Variants in SHISA9 observed in about 807,000 individuals in gnomAD.
SHISA9 encodes shisa family member 9, also known as protein shisa-9.
Under a neutral mutation model 38.0 loss-of-function variants are expected in SHISA9, and 13 were observed. The ratio of observed to expected loss-of-function variants is 0.34; its 90% CI spans 0.22 to 0.54. The LOEUF (loss-of-function observed/expected upper bound fraction) is 0.54, where lower values mean the gene tolerates loss of function less well. SHISA9 is among the 20% of genes least tolerant of loss of function. The pLI, the probability that SHISA9 is intolerant of heterozygous loss-of-function variation, is 0.91. For synonymous variants in SHISA9, 275 were observed against 242.0 expected, an observed-to-expected ratio of 1.14 and a Z score of -1.27; for missense variants, 538 against 575.8, an observed-to-expected ratio of 0.93 and a Z score of 0.67.
At chr16:13,422,014 G>A in the SHISA9 span, among the ~76,000 whole-genome samples, 1 of 152,194 alleles carries the variant, frequency 6.6e-6, no homozygotes, top group Non-Finnish European at 1.5e-5. Flanking sequence ...TAAATGGTTG[G>A]TTTTGCAGAA....
chr16:13,406,104 G>A, the SHISA9 span, among the ~76,000 whole-genome samples: 17 of 152,256 alleles, frequency 1.1e-4, no homozygotes, highest in East Asian at 3.9e-4. Flanking sequence ...ATCCAACAGC[G>A]TCTTTTTAAC....
At chr16:12,960,975 C>T (rs1026899169) in intron 2 of SHISA9, among the ~76,000 whole-genome samples, 1 of 151,936 alleles carries the variant, frequency 6.6e-6, no homozygotes, top group South Asian at 2.1e-4. Flanking sequence ...GGGGGGCAGA[C>T]ACTAAACAGC....
chr16:13,368,901 G>T, the SHISA9 span, among the ~76,000 whole-genome samples: 32 of 152,226 alleles, frequency 2.1e-4, no homozygotes, highest in Non-Finnish European at 3.1e-4. Flanking sequence ...CATACATGTG[G>T]TATATCATAA....
At chr16:12,975,288 A>C (rs955865788) in intron 2 of SHISA9, among the ~76,000 whole-genome samples, 1 of 152,144 alleles carries the variant, frequency 6.6e-6, no homozygotes, top group Non-Finnish European at 1.5e-5. Flanking sequence ...GTGAATCACA[A>C]GGTCAGGAGT....
At chr16:12,940,326 C>T (rs566355895) in intron 2 of SHISA9, among the ~76,000 whole-genome samples, 6 of 152,276 alleles carry the variant, frequency 3.9e-5, no homozygotes, top group Admixed American at 1.3e-4. Context: ...TGCTGCACCC[C>T]AGCTTGTCTG....
chr16:13,354,676 G>T, the SHISA9 span, among the ~76,000 whole-genome samples: 1 of 151,518 alleles, frequency 6.6e-6, no homozygotes, highest in Non-Finnish European at 1.5e-5. Flanking sequence ...TGAGGGCTAG[G>T]CTAAAACAGT....
At chr16:13,310,769 G>A in the SHISA9 span, among the ~76,000 whole-genome samples, 2 of 145,426 alleles carry the variant, frequency 1.4e-5, no homozygotes, top group African/African-American at 5.1e-5. Context: ...CTGCAACCTC[G>A]GCCTCCCAGG....
the SHISA9 span, among the ~76,000 whole-genome samples, chr16:13,464,735 A>G: frequency 1.3e-5 from 2 of 152,128 alleles, no homozygotes; most frequent in Non-Finnish European, 1.5e-5. Context: ...AGTGCTTACT[A>G]AGTACTGGGC....
chr16:13,455,684 G>A, the SHISA9 span, among the ~76,000 whole-genome samples: 33 of 152,040 alleles, frequency 2.2e-4, no homozygotes, highest in African/African-American at 6.8e-4. Context: ...TTATTAATTC[G>A]GTGTGGAGTT....
At chr16:13,227,585 C>G (rs906654442) in intron 4 of SHISA9, among the ~76,000 whole-genome samples, 3 of 152,140 alleles carry the variant, frequency 2.0e-5, no homozygotes, top group African/African-American at 7.2e-5. Context: ...CGGGAGGTAA[C>G]TGGATATATA....
chr16:13,252,198 A>G, the SHISA9 span, among the ~76,000 whole-genome samples: 2 of 151,482 alleles, frequency 1.3e-5, 1 homozygote, highest in Admixed American at 1.3e-4. Flanking sequence ...CCCTTCACTC[A>G]CTCTGCTCCA....
chr16:13,376,084 T>C, the SHISA9 span, among the ~76,000 whole-genome samples: 1 of 152,202 alleles, frequency 6.6e-6, no homozygotes, highest in African/African-American at 2.4e-5. Flanking sequence ...CATTGATAAT[T>C]GTGTTCCCTA....
chr16:13,141,624 A>C (rs1054159465), intron 2 of SHISA9, among the ~76,000 whole-genome samples: 1 of 152,098 alleles, frequency 6.6e-6, no homozygotes, highest in African/African-American at 2.4e-5. Context: ...TGGAGGTTGC[A>C]GTGAACTGAG....
At chr16:13,273,703 A>G in the SHISA9 span, among the ~76,000 whole-genome samples, 1 of 152,186 alleles carries the variant, frequency 6.6e-6, no homozygotes, top group Non-Finnish European at 1.5e-5. Flanking sequence ...TTAAATGGGA[A>G]TGCCTATTGC....
intron 2 of SHISA9, among the ~76,000 whole-genome samples, chr16:13,011,592 G>T (rs1055903764): frequency 6.6e-6 from 1 of 151,956 alleles, no homozygotes; most frequent in Non-Finnish European, 1.5e-5. Flanking sequence ...TGCCATCTCG[G>T]CTCACTGCAA....
At chr16:13,551,629 T>A in the SHISA9 span, among the ~76,000 whole-genome samples, 1 of 152,172 alleles carries the variant, frequency 6.6e-6, no homozygotes. Context: ...ACCACATGCA[T>A]ACAATCATTA....
At chr16:13,111,845 T>A (rs538537044) in intron 2 of SHISA9, among the ~76,000 whole-genome samples, 1 of 152,138 alleles carries the variant, frequency 6.6e-6, no homozygotes, top group South Asian at 2.1e-4. Context: ...TGTTCCTGGA[T>A]AGGTGAGAGG....
At chr16:13,533,493 C>T in the SHISA9 span, among the ~76,000 whole-genome samples, 1 of 152,118 alleles carries the variant, frequency 6.6e-6, no homozygotes, top group Non-Finnish European at 1.5e-5. Context: ...CTCTCCCAAC[C>T]TCCAATGCTT....
At chr16:12,978,421 T>G (rs1167833726) in intron 2 of SHISA9, among the ~76,000 whole-genome samples, 1 of 152,218 alleles carries the variant, frequency 6.6e-6, no homozygotes, top group Non-Finnish European at 1.5e-5. Context: ...GTCTGAATAT[T>G]ATTTGAAGCA....
Sources: allele counts gnomAD v4.1 joint callset (sites outside exome capture counted in the v4.1 genomes callset), GRCh38; gene constraint gnomAD v4.1.1; transcripts MANE v1.5; gene names NCBI Gene and HGNC (gene_info 2026-07-23, HGNC 2026-07-21).